The following TANC1 variants were observed in gnomAD, a reference collection of about 807,000 sequenced individuals.
The protein encoded by TANC1 is tetratricopeptide repeat, ankyrin repeat and coiled-coil containing 1, also known as protein TANC1.
Under a neutral mutation model 149.7 loss-of-function variants are expected in TANC1, and 77 were observed. The observed-to-expected ratio is 0.51, with a 90% CI of 0.43 to 0.62. TANC1 has a LOEUF of 0.62. TANC1 is among the 20% of genes least tolerant of loss of function. The pLI is 0.00. For synonymous variants in TANC1, 854 were observed against 925.0 expected (o/e 0.92, Z 1.39); for missense variants, 1,985 against 2,321.8 (o/e 0.85, Z 2.98).
At position 159,228,837 on chromosome 2, in the gene TANC1, A is replaced by G. The variant is rs2150996912; in HGVS notation, c.4092A>G (p.Glu1364=). Residue 1364 remains glutamate (E), a synonymous_variant, in exon 26 of 27, where the codon GAA becomes GAG. Coordinates refer to ENST00000263635, the MANE Select transcript of TANC1 (RefSeq NM_033394.3). ...MAEEFASKAL[E]LKPKSYEAFY... ...AGGAATTTGCTTCCAAGGCTCTCGA[A>G]TTGAAGCCCAAGTCCTATGAAGCCT... is the stretch of plus-strand genomic sequence containing the variant. 1 of 1,614,166 alleles carries G rather than the reference A, an allele frequency of 6.2e-7. No homozygotes were observed. Among genetic ancestry groups the G allele is most frequent in the Admixed American group, 1.7e-5 (1 of 60,028 alleles).
chr2:159,186,884 T>G lies in TANC1; in HGVS notation c.2620-18T>G. The G allele has an allele frequency of 3.1e-6, 5 of 1,614,146 alleles. No individual in the cohort carries two copies. Among genetic ancestry groups the G allele is most frequent in the Non-Finnish European group, 4.2e-6 (5 of 1,179,982 alleles). ...TCTGTCTCTGATTGTTTCCAAGATC[T>G]GTCTCGATTGTTTCCAGGGCCTCAG... On this transcript the variant is annotated intron_variant, in intron 15 of 26. Transcript: ENST00000263635.
chr2:159,170,637 A>G lies in TANC1; in HGVS notation c.1183A>G (p.Ile395Val). The part of the protein sequence containing the change: ...FVGRDWLFHQ[I>V]EENLRNTELA... ...GGGAAGGGATTGGCTCTTTCACCAG[A>G]TAGAAGAAAACTTGAGGAACACAGA... The change falls in exon 10 of 27, where the codon ATA (isoleucine) becomes GTA (valine). Residue 395 changes from isoleucine (I) to valine (V), a missense_variant. Physicochemically the swap from Ile to Val is conservative, Grantham distance 29. This residue lies in a region of TANC1 where 557 missense variants were observed against 612.9 expected (regional missense o/e 0.91). Coordinates refer to ENST00000263635, the MANE Select transcript of TANC1 (RefSeq NM_033394.3). 1 of 1,614,168 alleles carries G rather than the reference A, an allele frequency of 6.2e-7. No individual in the cohort carries two copies. The highest frequency in any genetic ancestry group is 8.5e-7 in the Non-Finnish European group (1 of 1,180,028).
chr2:159,225,613 C>T (rs951993829), intron 23 of TANC1, 75 bp from the exon 24 acceptor site: 31 of 1,198,984 alleles, frequency 2.6e-5, no homozygotes, highest in African/African-American at 4.5e-5. Flanking sequence ...GACCTCCAGC[C>T]GTGGGGCCAC....
At chr2:159,175,461 C>T (rs1180875672) in intron 12 of TANC1, among the ~76,000 whole-genome samples, 1 of 152,168 alleles carries the variant, frequency 6.6e-6, no homozygotes, top group African/African-American at 2.4e-5. Context: ...TAAGTGTGGG[C>T]TGTTTAGGTG....
At chr2:159,160,889 G>A (rs574652653) in intron 7 of TANC1, among the ~76,000 whole-genome samples, 7 of 152,132 alleles carry the variant, frequency 4.6e-5, no homozygotes, top group African/African-American at 1.4e-4. Flanking sequence ...ACTTCTCTTC[G>A]CAGTGACTGC....
At chr2:159,028,070 G>A (rs888188782) in intron 2 of TANC1, among the ~76,000 whole-genome samples, 2 of 152,024 alleles carry the variant, frequency 1.3e-5, no homozygotes, top group Admixed American at 1.3e-4. Flanking sequence ...TGGGGATTAC[G>A]TTGCCAACAC....
rs369563340 is a variant in TANC1 at position 159,143,072 on chromosome 2, A to ACAAAAC, written c.365-6070_365-6069insCAAAAC. Among the ~76,000 whole-genome samples, 6 of 116,700 alleles carry ACAAAAC rather than the reference A, an allele frequency of 5.1e-5. No homozygotes were observed. In the South Asian group the frequency reaches 7.4e-4, roughly 14 times the overall value. 76.6% of individuals were successfully genotyped at this position (116,700 alleles called of 152,430 possible). ...AGCGAGACTCTGTCTCAAAAAAAAA[A>ACAAAAC]AAAAAACAACAAAACAAAACAAAAA... On this transcript the variant is annotated intron_variant, in intron 5 of 26. Coordinates refer to ENST00000263635, the MANE Select transcript of TANC1 (RefSeq NM_033394.3).
chr2:159,218,218 G>A (rs1471714355), intron 20 of TANC1, among the ~76,000 whole-genome samples: 1 of 152,156 alleles, frequency 6.6e-6, no homozygotes, highest in African/African-American at 2.4e-5. Context: ...ATACACTATG[G>A]ATGCAAAGGA....
chr2:159,000,160 T>A (rs1297415584), intron 1 of TANC1, among the ~76,000 whole-genome samples: 1 of 151,832 alleles, frequency 6.6e-6, no homozygotes, highest in Non-Finnish European at 1.5e-5. Flanking sequence ...TAGCCAAGGA[T>A]GAAAGGTGAA....
At chr2:159,049,074 C>T (rs1185532589) in intron 2 of TANC1, among the ~76,000 whole-genome samples, 1 of 152,152 alleles carries the variant, frequency 6.6e-6, no homozygotes, top group African/African-American at 2.4e-5. Flanking sequence ...AGGAAATGCT[C>T]CTTTTTCTTC....
chr2:159,140,746 A>C (rs2051274408), intron 5 of TANC1, among the ~76,000 whole-genome samples: 2 of 136,240 alleles, frequency 1.5e-5, no homozygotes, highest in Admixed American at 1.7e-4. Context: ...ACTGGAGTGC[A>C]GTGGCACAGT....
chr2:159,062,637 TAAATG>T (rs2042312918), intron 2 of TANC1, among the ~76,000 whole-genome samples: 1 of 152,218 alleles, frequency 6.6e-6, no homozygotes, highest in East Asian at 1.9e-4. Flanking sequence ...CTCCATGTCT[TAAATG>T]GATGAGACTG....
At position 159,196,553 on chromosome 2, in the gene TANC1, A is replaced by G. The variant is rs116170488; in HGVS notation, c.2980-55A>G. On this transcript the variant is annotated intron_variant, in intron 17 of 26. Transcript: ENST00000263635. ...GCACACAGCTAGGTGGTGCATCTGC[A>G]TGCTCAGAGGCAAAGTAATGCTCAG... 8.0e-4 allele frequency: 1,195 copies of G among 1,486,758 alleles called. 6 individuals are homozygous for G. The African/African-American group carries it at 0.015, about 19-fold the overall frequency. The allele number at this position is 1,486,758 out of a possible 1,614,324, so 92.1% of individuals were successfully genotyped here. A position where few individuals can be genotyped will look rare whatever the true frequency, so the allele number is the denominator to read the frequency against.
chr2:159,016,786 G>A (rs927188136), intron 2 of TANC1, among the ~76,000 whole-genome samples: 2 of 151,954 alleles, frequency 1.3e-5, no homozygotes, highest in Admixed American at 6.6e-5. Flanking sequence ...GTGTTAGCCA[G>A]GATGGTCTCG....
intron 18 of TANC1, among the ~76,000 whole-genome samples, chr2:159,197,788 C>T (rs953843298): frequency 2.6e-5 from 4 of 152,028 alleles, no homozygotes; most frequent in African/African-American, 7.3e-5. Flanking sequence ...AAATGCTGAG[C>T]GAAAATCACC....
chr2:159,068,595 C>T (rs140217522), intron 3 of TANC1, among the ~76,000 whole-genome samples: 5 of 152,174 alleles, frequency 3.3e-5, no homozygotes, highest in African/African-American at 9.6e-5. Flanking sequence ...TTTTCAGAAG[C>T]GTTGAACAGT....
At chr2:159,078,939 A>G (rs1271399596) in intron 3 of TANC1, among the ~76,000 whole-genome samples, 1 of 151,120 alleles carries the variant, frequency 6.6e-6, no homozygotes, top group South Asian at 2.1e-4. Context: ...TTCAGGCATG[A>G]TAGTGTTGAA....
At chr2:159,096,289 C>CTG (rs1387443601) in intron 3 of TANC1, among the ~76,000 whole-genome samples, 12 of 128,404 alleles carry the variant, frequency 9.3e-5, no homozygotes, top group African/African-American at 3.7e-4. Flanking sequence ...TGAGGACTGG[C>CTG]TGTATTTTTT....
Position 159,143,789 on chromosome 2 carries a change from GT to G in TANC1, c.365-5350del, listed in dbSNP as rs958968913. 1.3e-5 allele frequency among the ~76,000 whole-genome samples: 2 copies of G among 151,990 alleles called. 1 individual carries two copies. Among genetic ancestry groups the G allele is most frequent in the Non-Finnish European group, 2.9e-5 (2 of 68,006 alleles). On this transcript the variant is annotated intron_variant, in intron 5 of 26. Transcript: ENST00000263635. Reference sequence around the variant, plus strand: ...GTCCTCTATTTAATTGCACATTAAAGTTTGTAAAATTGTAAAAACAATGCCA... The same window carrying G: ...GTCCTCTATTTAATTGCACATTAAAGTTGTAAAATTGTAAAAACAATGCCA...
Sources: allele counts gnomAD v4.1 joint callset (sites outside exome capture counted in the v4.1 genomes callset), GRCh38; gene constraint gnomAD v4.1.1; regional missense constraint gnomAD v4.1.1; transcripts MANE v1.5; gene names NCBI Gene and HGNC (gene_info 2026-07-23, HGNC 2026-07-21).